The following EYA2 variants were observed in gnomAD, a reference collection of about 807,000 sequenced individuals.
The protein encoded by EYA2 is protein phosphatase EYA2.
A neutral mutation model predicts 69.2 loss-of-function variants in EYA2; 31 were observed. The observed-to-expected ratio is 0.45, with a 90% CI of 0.34 to 0.60. The LOEUF is 0.60. EYA2 is among the 20% of genes least tolerant of loss of function. The pLI, the probability that EYA2 is intolerant of heterozygous loss-of-function variation, is 0.02. For missense variants in EYA2, 622 were observed against 701.2 expected, an observed-to-expected ratio of 0.89 and a Z score of 1.28; for synonymous variants, 257 against 279.4, an observed-to-expected ratio of 0.92 and a Z score of 0.80.
At chr20:46,950,173 T>C (rs1206756) in intron 1 of EYA2, among the ~76,000 whole-genome samples, 67,512 of 152,004 alleles carry the variant, frequency 0.44, 15,482 homozygotes, top group African/African-American at 0.48. Flanking sequence ...CAGGATAACA[T>C]GTAGTGAAGC....
At chr20:46,944,141 C>T (rs1362328044) in intron 1 of EYA2, among the ~76,000 whole-genome samples, 3 of 152,148 alleles carry the variant, frequency 2.0e-5, no homozygotes, top group African/African-American at 7.2e-5. Context: ...ATGGCCAGGA[C>T]AGAGGGAGCC....
chr20:46,972,914 ATC>A (rs1373860721), intron 1 of EYA2, among the ~76,000 whole-genome samples: 1 of 152,228 alleles, frequency 6.6e-6, no homozygotes, highest in Non-Finnish European at 1.5e-5. Context: ...ATTCTGGAAT[ATC>A]TCTCTTCTTT....
Position 47,170,204 on chromosome 20 carries a change from G to T in EYA2, c.1037+1007G>T, listed in dbSNP as rs527344870. Among the ~76,000 whole-genome samples the T allele has an allele frequency of 2.0e-5, 3 of 151,564 alleles. No individual in the cohort carries two copies. The East Asian group carries it at 5.9e-4, about 30-fold the overall frequency. On this transcript the variant is annotated intron_variant, in intron 11 of 15. Coordinates refer to ENST00000327619, the MANE Select transcript of EYA2 (RefSeq NM_005244.5). The stretch of plus-strand genomic sequence containing the variant: ...GTTACAGGCGTGAGCCACCGCACCC[G>T]ACCAGCATGCATATATTTTTAATAT...
intron 10 of EYA2, among the ~76,000 whole-genome samples, chr20:47,160,533 T>C (rs2034043975): frequency 6.6e-6 from 1 of 151,854 alleles, no homozygotes; most frequent in Admixed American, 6.6e-5. Flanking sequence ...AATGGTCAGA[T>C]TGTGGGTATA....
At chr20:47,166,310 G>A (rs752165727) in intron 10 of EYA2, among the ~76,000 whole-genome samples, 1 of 135,686 alleles carries the variant, frequency 7.4e-6, no homozygotes, top group Non-Finnish European at 1.5e-5. Context: ...TGAGGCTTGA[G>A]AATCACCTAA....
chr20:47,160,407 G>A (rs1176276542), intron 10 of EYA2, among the ~76,000 whole-genome samples: 6 of 152,112 alleles, frequency 3.9e-5, no homozygotes, highest in Admixed American at 1.3e-4. Context: ...ACAAACAGGC[G>A]ACAGGCCAGA....
At chr20:47,163,938 C>T (rs1386525414) in intron 10 of EYA2, among the ~76,000 whole-genome samples, 1 of 152,020 alleles carries the variant, frequency 6.6e-6, no homozygotes, top group East Asian at 1.9e-4. Flanking sequence ...GGTCCTCAGC[C>T]CCACTGCACT....
chr20:47,133,768 C>T (rs1600732096), intron 9 of EYA2, among the ~76,000 whole-genome samples: 1 of 152,208 alleles, frequency 6.6e-6, no homozygotes, highest in African/African-American at 2.4e-5. Context: ...ACAATGTGTG[C>T]GAACACATGC....
chr20:46,998,564 A>G (rs1982168558), intron 2 of EYA2: 1 of 152,242 alleles, frequency 6.6e-6, no homozygotes, highest in South Asian at 2.1e-4. Flanking sequence ...CCTCTGTGCC[A>G]AAGCAGAGAA....
At chr20:47,122,228 T>C (rs1036445047) in intron 9 of EYA2, among the ~76,000 whole-genome samples, 3 of 152,106 alleles carry the variant, frequency 2.0e-5, no homozygotes, top group Admixed American at 2.0e-4. Flanking sequence ...GTCATCATGT[T>C]TCATTTTCTT....
At chr20:47,139,416 C>G (rs1268930055) in intron 9 of EYA2, among the ~76,000 whole-genome samples, 1 of 152,204 alleles carries the variant, frequency 6.6e-6, no homozygotes, top group African/African-American at 2.4e-5. Context: ...AAAAATGTAA[C>G]CTCCAAATTA....
intron 1 of EYA2, among the ~76,000 whole-genome samples, chr20:46,960,541 C>G (rs929758700): frequency 2.0e-5 from 3 of 152,082 alleles, no homozygotes; most frequent in African/African-American, 7.2e-5. Flanking sequence ...ATGACTTGCC[C>G]AAGGTCGTGT....
intron 1 of EYA2, among the ~76,000 whole-genome samples, chr20:46,932,628 A>G (rs1037873038): frequency 1.3e-5 from 2 of 152,188 alleles, no homozygotes; most frequent in Non-Finnish European, 2.9e-5. Context: ...CAAGCCTGTA[A>G]TCCCGGCACT....
intron 9 of EYA2, among the ~76,000 whole-genome samples, chr20:47,140,801 T>A (rs1331648666): frequency 6.6e-6 from 1 of 152,204 alleles, no homozygotes; most frequent in Non-Finnish European, 1.5e-5. Flanking sequence ...TTATTTGACT[T>A]ATGATTCTGG....
chr20:46,919,245 C>G (rs1985069959), intron 1 of EYA2, among the ~76,000 whole-genome samples: 1 of 152,236 alleles, frequency 6.6e-6, no homozygotes, highest in Non-Finnish European at 1.5e-5. Flanking sequence ...ACAAGAGATT[C>G]AGCCTGTCGT....
At chr20:47,043,386 G>A (rs2029885931) in intron 5 of EYA2, among the ~76,000 whole-genome samples, 1 of 152,180 alleles carries the variant, frequency 6.6e-6, no homozygotes, top group Admixed American at 6.5e-5. Context: ...AGGAGTCTCA[G>A]GAAGGAGGTG....
intron 5 of EYA2, among the ~76,000 whole-genome samples, chr20:47,053,319 A>G (rs1442147248): frequency 6.6e-6 from 1 of 152,218 alleles, no homozygotes; most frequent in South Asian, 2.1e-4. Context: ...TGCCACGGAC[A>G]TGCTGTACAT....
chr20:47,043,209 C>T (rs1309426604), intron 5 of EYA2, among the ~76,000 whole-genome samples: 1 of 152,138 alleles, frequency 6.6e-6, no homozygotes, highest in African/African-American at 2.4e-5. Flanking sequence ...TGAACTTCTG[C>T]ATGTTGAGGC....
intron 1 of EYA2, among the ~76,000 whole-genome samples, chr20:46,941,036 GGCCC>G (rs1263487291): frequency 6.6e-6 from 1 of 152,242 alleles, no homozygotes; most frequent in Non-Finnish European, 1.5e-5. Context: ...AGGTGCAAGA[GGCCC>G]CATCTTCCCA....
Sources: allele counts gnomAD v4.1 joint callset (sites outside exome capture counted in the v4.1 genomes callset), GRCh38; gene constraint gnomAD v4.1.1; transcripts MANE v1.5; gene names NCBI Gene and HGNC (gene_info 2026-07-23, HGNC 2026-07-21).